EPCIP: variants seen among roughly 807,000 people sequenced by gnomAD.
EPCIP encodes exosomal polycystin 1 interacting protein, also known as exosomal polycystin-1-interacting protein.
chr21:32,791,422 C>T, the EPCIP span: 1 of 152,022 alleles, frequency 6.6e-6, no homozygotes, highest in Non-Finnish European at 1.5e-5. Flanking sequence ...TATTAAAATT[C>T]AATTTGTTAT....
the EPCIP span, among the ~76,000 whole-genome samples, chr21:32,804,613 G>T: frequency 1.3e-5 from 2 of 152,020 alleles, no homozygotes; most frequent in African/African-American, 4.8e-5. Context: ...CCACCCCAAA[G>T]AAATCTAAAG....
At chr21:32,804,655 A>G in the EPCIP span, among the ~76,000 whole-genome samples, 1 of 152,218 alleles carries the variant, frequency 6.6e-6, no homozygotes, top group Non-Finnish European at 1.5e-5. Flanking sequence ...TACTTGTATC[A>G]AACATTTGAC....
At chr21:32,793,543 G>A in the EPCIP span, 3 of 608,538 alleles carry the variant, frequency 4.9e-6, no homozygotes, top group African/African-American at 3.7e-5. Flanking sequence ...TGGTTTTTTG[G>A]TTTCTTTTTC....
the EPCIP span, among the ~76,000 whole-genome samples, chr21:32,803,939 T>C: frequency 6.6e-6 from 1 of 152,188 alleles, no homozygotes; most frequent in Non-Finnish European, 1.5e-5. Context: ...GGGCAGGAAA[T>C]GAGTTCCCAG....
At chr21:32,803,373 G>T in the EPCIP span, among the ~76,000 whole-genome samples, 1 of 152,120 alleles carries the variant, frequency 6.6e-6, no homozygotes, top group South Asian at 2.1e-4. Context: ...GGAGACCCAC[G>T]CTGGGCTCCA....
chr21:32,796,497 G>A, the EPCIP span, among the ~76,000 whole-genome samples: 2 of 152,206 alleles, frequency 1.3e-5, no homozygotes, highest in Admixed American at 6.5e-5. Context: ...GATTCGACGC[G>A]GGGGACTGGA....
At chr21:32,795,546 G>A in the EPCIP span, among the ~76,000 whole-genome samples, 18 of 152,356 alleles carry the variant, frequency 1.2e-4, 1 homozygote, top group South Asian at 6.2e-4. Context: ...TAAGCTCCAT[G>A]GGTGTGGTGG....
the EPCIP span, among the ~76,000 whole-genome samples, chr21:32,801,258 A>G: frequency 3.3e-5 from 5 of 152,208 alleles, no homozygotes; most frequent in African/African-American, 4.8e-5. Flanking sequence ...GAAGTTTGTC[A>G]AAGCAGCTAG....
chr21:32,805,131 A>G, the EPCIP span, among the ~76,000 whole-genome samples: 1 of 152,222 alleles, frequency 6.6e-6, no homozygotes, highest in Non-Finnish European at 1.5e-5. Flanking sequence ...AGAAGGCAAT[A>G]TGACAACTGA....
At chr21:32,808,798 A>G in the EPCIP span, among the ~76,000 whole-genome samples, 3 of 152,236 alleles carry the variant, frequency 2.0e-5, no homozygotes, top group Non-Finnish European at 4.4e-5. Flanking sequence ...TTAACTCTAT[A>G]TAAGAACTCT....
chr21:32,812,635 C>G, the EPCIP span, among the ~76,000 whole-genome samples: 1 of 151,246 alleles, frequency 6.6e-6, no homozygotes, highest in Non-Finnish European at 1.5e-5. Flanking sequence ...TAAAAAAAAG[C>G]AAAAAACTTC....
At chr21:32,799,666 G>A in the EPCIP span, among the ~76,000 whole-genome samples, 1 of 152,152 alleles carries the variant, frequency 6.6e-6, no homozygotes, top group Non-Finnish European at 1.5e-5. Context: ...TCACAGCCAG[G>A]CATGGTGGTT....
the EPCIP span, among the ~76,000 whole-genome samples, chr21:32,792,180 A>G: frequency 6.6e-6 from 1 of 152,174 alleles, no homozygotes; most frequent in African/African-American, 2.4e-5. Flanking sequence ...TGGATTCTTT[A>G]CAGTCCACTT....
chr21:32,802,548 C>A, the EPCIP span, among the ~76,000 whole-genome samples: 1 of 152,168 alleles, frequency 6.6e-6, no homozygotes, highest in African/African-American at 2.4e-5. Context: ...AAATAGTTTT[C>A]TTTTGTATTT....
the EPCIP span, chr21:32,794,443 G>T: frequency 6.3e-7 from 1 of 1,598,000 alleles, no homozygotes; most frequent in Non-Finnish European, 8.6e-7. Context: ...ATGGGCCAGC[G>T]TGTTTATCCC....
At chr21:32,794,890 C>T in the EPCIP span, among the ~76,000 whole-genome samples, 1 of 152,204 alleles carries the variant, frequency 6.6e-6, no homozygotes, top group Non-Finnish European at 1.5e-5. Context: ...CCCAAAAACC[C>T]CTGAACATGA....
chr21:32,813,058 TATA>T, the EPCIP span, among the ~76,000 whole-genome samples: 1 of 152,188 alleles, frequency 6.6e-6, no homozygotes, highest in Non-Finnish European at 1.5e-5. Context: ...AGGCAGTAAA[TATA>T]ATATTATTAA....
the EPCIP span, chr21:32,797,866 GGTT>G: frequency 6.6e-6 from 1 of 152,160 alleles, no homozygotes; most frequent in Admixed American, 6.5e-5. Flanking sequence ...ACTCAAAAAA[GGTT>G]GTCAGAAATG....
the EPCIP span, chr21:32,797,449 A>T: frequency 5.9e-6 from 1 of 170,018 alleles, no homozygotes; most frequent in Non-Finnish European, 1.3e-5. Flanking sequence ...GGGTTTTGCC[A>T]TGTTGGCCAG....
Sources: gnomAD v4.1 joint callset for allele counts (sites outside exome capture counted in the v4.1 genomes callset) on GRCh38, gnomAD v4.1.1 for gene constraint, MANE v1.5 for transcripts, NCBI Gene and HGNC (gene_info 2026-07-23, HGNC 2026-07-21) for gene names.